The following CHD6 variants were observed in gnomAD, a reference collection of about 807,000 sequenced individuals.
CHD6 encodes ATP-dependent chromatin remodeler CHD6.
Under a neutral mutation model 276.9 loss-of-function variants are expected in CHD6, and 50 were observed. The observed-to-expected ratio is 0.18, with a 90% CI of 0.14 to 0.23. The LOEUF is 0.23. CHD6 is among the 10% of genes least tolerant of loss of function. The pLI is 1.00. For missense variants in CHD6, 2,564 were observed against 3,365.8 expected, an observed-to-expected ratio of 0.76 and a Z score of 5.89; for synonymous variants, 1,173 against 1,229.3, an observed-to-expected ratio of 0.95 and a Z score of 0.96.
chr20:41,483,477 C>A lies in CHD6; in HGVS notation c.2300G>T (p.Ser767Ile). The change falls in exon 16 of 37, where the codon AGC (serine) becomes ATC (isoleucine). Residue 767 changes from serine to isoleucine, a missense_variant. By Grantham distance (142) the Ser-to-Ile change is moderately radical (BLOSUM62 -2). Around this residue, in one of 7 missense-constraint regions of CHD6, gnomAD observed 457 missense variants for 889.0 expected, o/e 0.51. Coordinates refer to ENST00000373233, the MANE Select transcript of CHD6 (RefSeq NM_032221.5). ...CAGCTGAAAGTCAGGGGCATCAGGG[C>A]TGTGGGTTTTTCGGAAATCTTCTAG... ...KILEDFRKTH[S>I]PDAPDFQLQA... 1.9e-6 allele frequency: 3 copies of A among 1,613,294 alleles called. No individual in the cohort carries two copies. The highest frequency in any genetic ancestry group is 1.7e-6 in the Non-Finnish European group (2 of 1,179,736).
intron 31 of CHD6, 54 bp downstream of exon 31, chr20:41,420,454 C>G: frequency 6.5e-7 from 1 of 1,535,016 alleles, no homozygotes; most frequent in Non-Finnish European, 8.7e-7. Context: ...ACCCAACCCC[C>G]CGTCGTGTGT....
intron 1 of CHD6, among the ~76,000 whole-genome samples, chr20:41,569,933 A>T (rs1271353982): frequency 1.3e-5 from 2 of 152,158 alleles, no homozygotes; most frequent in Non-Finnish European, 2.9e-5. Context: ...CCCCATGGAC[A>T]CTGAGGGACT....
At chr20:41,422,182 T>G in intron 30 of CHD6, 103 bp from the exon 31 acceptor site, 1 of 1,209,636 alleles carries the variant, frequency 8.3e-7, no homozygotes, top group Non-Finnish European at 1.1e-6. Flanking sequence ...GCTCCCTGGC[T>G]CCTCAGCATG....
chr20:41,615,376 G>A (rs56245963), intron 1 of CHD6, among the ~76,000 whole-genome samples: 3,847 of 151,914 alleles, frequency 0.025, 62 homozygotes, highest in Middle Eastern at 0.051. Context: ...GTTCTCTAGG[G>A]AAGAGGTATC....
In CHD6 at chr20:41,405,136, C is replaced by T. The variant is rs1452370961; in HGVS notation, c.7605G>A (p.Gly2535=). 1 of 1,614,082 alleles carries T rather than the reference C, an allele frequency of 6.2e-7. No individual in the cohort carries two copies. Among genetic ancestry groups the T allele is most frequent in the East Asian group, 2.2e-5 (1 of 44,894 alleles). The change falls in exon 37 of 37, where the codon GGG becomes GGA. Residue 2535 remains glycine, a synonymous_variant. Coordinates refer to ENST00000373233, the MANE Select transcript of CHD6 (RefSeq NM_032221.5). ...MAAVPQMFGV[G]GLLSPPMATT... ...TTGCCATGGGTGGACTGAGGAGTCC[C>T]CCAACACCAAACATCTGGGGCACAG...
Position 41,417,321 on chromosome 20 carries a change from C to T in CHD6, c.6156G>A (p.Glu2052=), listed in dbSNP as rs371001545. 5 of 1,614,106 alleles carry T rather than the reference C, an allele frequency of 3.1e-6. No homozygotes were observed. The highest frequency in any genetic ancestry group is 4.2e-6 in the Non-Finnish European group (5 of 1,180,024). Residue 2052 remains glutamate, a synonymous_variant, in exon 32 of 37, where the codon GAG becomes GAA. Coordinates refer to ENST00000373233, the MANE Select transcript of CHD6 (RefSeq NM_032221.5). ...QDYPGKYSEE[E]SKSSTSGITG... ...TGATGCCCGATGTTGAGCTCTTGCT[C>T]TCCTCTTCAGAGTACTTCCCTGGAT...
intron 36 of CHD6, among the ~76,000 whole-genome samples, chr20:41,405,821 A>G (rs748770634): frequency 2.0e-5 from 3 of 152,064 alleles, no homozygotes; most frequent in Non-Finnish European, 4.4e-5. Flanking sequence ...GAAAGCACTA[A>G]AAGTGCTCTG....
intron 17 of CHD6, among the ~76,000 whole-genome samples, chr20:41,471,689 C>T (rs373617272): frequency 6.6e-6 from 1 of 151,744 alleles, no homozygotes; most frequent in Non-Finnish European, 1.5e-5. Flanking sequence ...GCACCCACCA[C>T]GCCTGGCTAA....
chr20:41,465,316 A>C (rs6072382), intron 17 of CHD6, among the ~76,000 whole-genome samples: 25,543 of 152,218 alleles, frequency 0.17, 2,335 homozygotes, highest in South Asian at 0.22. Flanking sequence ...AGATGTATTC[A>C]TATCACGCAT....
At chr20:41,520,658 C>T (rs958317122) in intron 3 of CHD6, among the ~76,000 whole-genome samples, 10 of 114,454 alleles carry the variant, frequency 8.7e-5, no homozygotes, top group African/African-American at 1.4e-4. Flanking sequence ...CATCACACAC[C>T]GGGGCCTGTT....
At chr20:41,536,561 T>C (rs985562177) in intron 2 of CHD6, among the ~76,000 whole-genome samples, 2 of 152,230 alleles carry the variant, frequency 1.3e-5, no homozygotes, top group African/African-American at 4.8e-5. Context: ...TAGATTCTAA[T>C]TAAGAAAATC....
At chr20:41,469,034 T>C (rs2042993503) in intron 17 of CHD6, among the ~76,000 whole-genome samples, 1 of 152,038 alleles carries the variant, frequency 6.6e-6, no homozygotes, top group Non-Finnish European at 1.5e-5. Flanking sequence ...GTGCAAGCAA[T>C]GTGGTGGCAG....
chr20:41,447,386 T>C (rs2048102299), intron 24 of CHD6, among the ~76,000 whole-genome samples: 1 of 152,206 alleles, frequency 6.6e-6, no homozygotes, highest in Non-Finnish European at 1.5e-5. Flanking sequence ...ATCTTGGAAA[T>C]CTTGGGATAC....
chr20:41,447,237 T>C (rs1187588940), intron 24 of CHD6, among the ~76,000 whole-genome samples: 1 of 152,036 alleles, frequency 6.6e-6, no homozygotes, highest in Non-Finnish European at 1.5e-5. Context: ...CAACACAAAG[T>C]CCAAATATCA....
chr20:41,438,487 G>A (rs571900273), intron 26 of CHD6, among the ~76,000 whole-genome samples: 1 of 152,276 alleles, frequency 6.6e-6, no homozygotes, highest in South Asian at 2.1e-4. Flanking sequence ...CTACTTGGGA[G>A]GCTGAGGCAG....
chr20:41,544,706 C>T (rs999068562), intron 2 of CHD6, among the ~76,000 whole-genome samples: 46 of 149,412 alleles, frequency 3.1e-4, no homozygotes, highest in African/African-American at 1.1e-3. Flanking sequence ...TATTTTAATA[C>T]TAAAATATTA....
chr20:41,505,549 G>A (rs559595253), intron 5 of CHD6, among the ~76,000 whole-genome samples: 243 of 152,132 alleles, frequency 1.6e-3, no homozygotes, highest in African/African-American at 5.4e-3. Context: ...GCCCACCTCC[G>A]GATGACTCTT....
intron 4 of CHD6, 151 bp downstream of exon 4, chr20:41,514,654 A>G (rs2044207736): frequency 2.6e-6 from 2 of 770,860 alleles, no homozygotes; most frequent in Non-Finnish European, 4.1e-6. Flanking sequence ...AAAAGACTAC[A>G]GTCTACCTGC....
intron 2 of CHD6, among the ~76,000 whole-genome samples, chr20:41,549,681 T>C (rs985656437): frequency 1.5e-4 from 21 of 144,318 alleles, no homozygotes; most frequent in Non-Finnish European, 2.6e-4. Context: ...TTTGGGTCCA[T>C]AAAAAAAAAA....
Sources: gnomAD v4.1 joint callset for allele counts (sites outside exome capture counted in the v4.1 genomes callset) on GRCh38, gnomAD v4.1.1 for gene constraint, gnomAD v4.1.1 regional missense constraint, MANE v1.5 for transcripts, NCBI Gene and HGNC (gene_info 2026-07-23, HGNC 2026-07-21) for gene names.